CIMIP6: variants seen among roughly 807,000 people sequenced by gnomAD.
The protein encoded by CIMIP6 is ciliary microtubule inner protein 6, also known as uncharacterized protein C2orf73.
At chr2:54,357,942 A>G in the CIMIP6 span, among the ~76,000 whole-genome samples, 1 of 152,050 alleles carries the variant, frequency 6.6e-6, no homozygotes, top group Non-Finnish European at 1.5e-5. Flanking sequence ...ACTTCACTAA[A>G]CTTTTTTTAT....
chr2:54,383,613 C>T, the CIMIP6 span: 2 of 151,780 alleles, frequency 1.3e-5, no homozygotes, highest in African/African-American at 2.4e-5. Context: ...AATATACTCT[C>T]GTTTTTACTT....
the CIMIP6 span, among the ~76,000 whole-genome samples, chr2:54,348,477 G>A: frequency 1.3e-5 from 2 of 151,802 alleles, no homozygotes; most frequent in African/African-American, 4.8e-5. Context: ...TTGTATCCTA[G>A]GGTCTAGTAC....
At chr2:54,351,404 G>A in the CIMIP6 span, among the ~76,000 whole-genome samples, 1 of 152,192 alleles carries the variant, frequency 6.6e-6, no homozygotes, top group Non-Finnish European at 1.5e-5. Context: ...ACTGCTTAAA[G>A]AAAATGTGGC....
chr2:54,362,612 A>T, the CIMIP6 span, among the ~76,000 whole-genome samples: 5 of 152,152 alleles, frequency 3.3e-5, no homozygotes, highest in Admixed American at 3.3e-4. Flanking sequence ...CAGTGCCTTG[A>T]TCTCGGCTCA....
At chr2:54,342,549 T>C in the CIMIP6 span, among the ~76,000 whole-genome samples, 5 of 151,958 alleles carry the variant, frequency 3.3e-5, no homozygotes, top group African/African-American at 1.2e-4. Flanking sequence ...ATGTCTTTTA[T>C]ACATGCCTGT....
At chr2:54,334,999 A>G in the CIMIP6 span, 1 of 1,602,630 alleles carries the variant, frequency 6.2e-7, no homozygotes, top group Middle Eastern at 1.7e-4. Context: ...CCCTACATAG[A>G]TCCCAAAAAA....
the CIMIP6 span, among the ~76,000 whole-genome samples, chr2:54,338,288 AG>A: frequency 1.3e-5 from 2 of 152,128 alleles, no homozygotes; most frequent in African/African-American, 4.8e-5. Flanking sequence ...ATAAATAAAT[AG>A]CCAGGTGTGG....
the CIMIP6 span, among the ~76,000 whole-genome samples, chr2:54,353,563 A>C: frequency 1.3e-5 from 2 of 152,124 alleles, no homozygotes; most frequent in Non-Finnish European, 2.9e-5. Context: ...AAACTGCATG[A>C]GTTAAAATGT....
chr2:54,353,344 C>A, the CIMIP6 span, among the ~76,000 whole-genome samples: 1 of 152,066 alleles, frequency 6.6e-6, no homozygotes, highest in Non-Finnish European at 1.5e-5. Context: ...GTGCATAATT[C>A]ACTTTTAGGG....
At chr2:54,354,029 G>A in the CIMIP6 span, among the ~76,000 whole-genome samples, 2 of 152,066 alleles carry the variant, frequency 1.3e-5, no homozygotes, top group African/African-American at 2.4e-5. Flanking sequence ...CACCATGCGC[G>A]CACTATTAAG....
At chr2:54,354,074 A>G in the CIMIP6 span, among the ~76,000 whole-genome samples, 1 of 152,138 alleles carries the variant, frequency 6.6e-6, no homozygotes, top group Admixed American at 6.5e-5. Context: ...CATAGAGTGA[A>G]CCACTTTTCT....
chr2:54,351,388 C>A, the CIMIP6 span, among the ~76,000 whole-genome samples: 2 of 152,206 alleles, frequency 1.3e-5, no homozygotes, highest in Non-Finnish European at 2.9e-5. Context: ...TGCCCATCAA[C>A]TGTAGACTGC....
At chr2:54,375,370 GAAATACAGAAT>G in the CIMIP6 span, among the ~76,000 whole-genome samples, 1 of 152,218 alleles carries the variant, frequency 6.6e-6, no homozygotes, top group African/African-American at 2.4e-5. Context: ...ATTCACAGAA[GAAATACAGAAT>G]AAATACTGTC....
chr2:54,341,060 A>G, the CIMIP6 span, among the ~76,000 whole-genome samples: 1 of 152,230 alleles, frequency 6.6e-6, no homozygotes, highest in Non-Finnish European at 1.5e-5. Context: ...TAACTTGAGT[A>G]TTAGCAAAAT....
chr2:54,360,683 T>A, the CIMIP6 span: 1 of 1,057,492 alleles, frequency 9.5e-7, no homozygotes, highest in Non-Finnish European at 1.3e-6. Context: ...TTTATGTAAA[T>A]GGAAAAAGAG....
the CIMIP6 span, among the ~76,000 whole-genome samples, chr2:54,340,403 T>C: frequency 6.6e-6 from 1 of 152,258 alleles, no homozygotes; most frequent in Non-Finnish European, 1.5e-5. Flanking sequence ...GCTCCATCCA[T>C]GTCTTTCCTT....
the CIMIP6 span, among the ~76,000 whole-genome samples, chr2:54,378,290 C>G: frequency 6.6e-6 from 1 of 152,230 alleles, no homozygotes; most frequent in African/African-American, 2.4e-5. Context: ...CGCAGGATAA[C>G]CAGTGCTAGT....
the CIMIP6 span, among the ~76,000 whole-genome samples, chr2:54,353,953 T>C: frequency 6.6e-6 from 1 of 152,204 alleles, no homozygotes; most frequent in African/African-American, 2.4e-5. Context: ...GAAAGTTTTC[T>C]CCTACATTTT....
At chr2:54,355,296 T>C in the CIMIP6 span, among the ~76,000 whole-genome samples, 1 of 152,178 alleles carries the variant, frequency 6.6e-6, no homozygotes, top group East Asian at 1.9e-4. Context: ...CTATTAAATG[T>C]CTTAGATGCG....
Sources: allele counts gnomAD v4.1 joint callset (sites outside exome capture counted in the v4.1 genomes callset), GRCh38; gene constraint gnomAD v4.1.1; transcripts MANE v1.5; gene names NCBI Gene and HGNC (gene_info 2026-07-23, HGNC 2026-07-21).